Variants in PTPRD observed in about 807,000 individuals in gnomAD.
The protein encoded by PTPRD is receptor-type tyrosine-protein phosphatase delta.
PTPRD carries 34 observed loss-of-function variants against 214.5 expected under a neutral mutation model. The ratio of observed to expected loss-of-function variants is 0.16; its 90% confidence interval spans 0.12 to 0.21. The LOEUF (loss-of-function observed/expected upper bound fraction) is 0.21, where lower values mean the gene tolerates loss of function less well. PTPRD is among the 10% of genes least tolerant of loss of function. PTPRD has a pLI of 1.00. For missense variants in PTPRD, 2,545 were observed against 2,398.7 expected, an observed-to-expected ratio of 1.06 and a Z score of -1.27; for synonymous variants, 1,128 against 845.7, an observed-to-expected ratio of 1.33 and a Z score of -5.79.
In PTPRD at chr9:10,117,328, T is replaced by C. The variant is rs142943976; in HGVS notation, c.-544-83538A>G. On this transcript the variant is annotated intron_variant, in intron 3 of 45. Coordinates refer to ENST00000381196, the MANE Select transcript of PTPRD (RefSeq NM_002839.4). ...AGTTGATGTTATTCCTTTAGCATAC[T>C]TGTTAACTGAAAGTGTCTATGGACA... 1.6e-3 allele frequency among the ~76,000 whole-genome samples: 244 copies of C among 152,242 alleles called. 1 individual carries two copies. The highest frequency in any genetic ancestry group is 2.7e-3 in the Non-Finnish European group (184 of 68,004).
intron 9 of PTPRD, among the ~76,000 whole-genome samples, chr9:9,316,998 T>TTC (rs1963575905): frequency 6.6e-6 from 1 of 152,186 alleles, no homozygotes; most frequent in Non-Finnish European, 1.5e-5. Context: ...AACATGGCCC[T>TTC]TCTCTCCTTC....
chr9:8,713,733 T>C, intron 12 of PTPRD: 2 of 1,503,208 alleles, frequency 1.3e-6, no homozygotes, highest in Non-Finnish European at 1.8e-6. Flanking sequence ...GCCGGCAGGC[T>C]GTCAAGCAGT....
chr9:10,455,102 C>T (rs957115743), intron 2 of PTPRD, among the ~76,000 whole-genome samples: 1 of 151,666 alleles, frequency 6.6e-6, no homozygotes, highest in East Asian at 1.9e-4. Flanking sequence ...TCTGTCTCCC[C>T]ACATTTTAAG....
At chr9:10,178,509 A>C (rs1277207259) in intron 3 of PTPRD, among the ~76,000 whole-genome samples, 2 of 152,026 alleles carry the variant, frequency 1.3e-5, no homozygotes, top group Non-Finnish European at 2.9e-5. Context: ...ATAAAAGAGA[A>C]AACTGGATAT....
chr9:10,231,407 C>T (rs1000032775), intron 3 of PTPRD, among the ~76,000 whole-genome samples: 2 of 151,758 alleles, frequency 1.3e-5, no homozygotes, highest in African/African-American at 4.8e-5. Context: ...GTGCAATTAC[C>T]TAAAAACCAG....
At chr9:10,172,969 A>C (rs944547126) in intron 3 of PTPRD, among the ~76,000 whole-genome samples, 1 of 152,216 alleles carries the variant, frequency 6.6e-6, no homozygotes, top group African/African-American at 2.4e-5. Flanking sequence ...ACAAGGTTCT[A>C]TTGTCACATA....
At chr9:8,587,119 C>A (rs1238121187) in intron 14 of PTPRD, among the ~76,000 whole-genome samples, 2 of 152,150 alleles carry the variant, frequency 1.3e-5, no homozygotes, top group Non-Finnish European at 2.9e-5. Context: ...CACTGCACTC[C>A]AGCCTGGGCG....
At chr9:9,639,096 C>T (rs1264007167) in intron 7 of PTPRD, among the ~76,000 whole-genome samples, 3 of 152,138 alleles carry the variant, frequency 2.0e-5, no homozygotes, top group Non-Finnish European at 4.4e-5. Flanking sequence ...TAGCAAATCT[C>T]GAATCCTTTC....
chr9:10,390,615 G>GAAAT (rs1203645808), intron 2 of PTPRD, among the ~76,000 whole-genome samples: 1 of 151,728 alleles, frequency 6.6e-6, no homozygotes, highest in Non-Finnish European at 1.5e-5. Flanking sequence ...GAATGATAAT[G>GAAAT]AAATCATTTT....
intron 2 of PTPRD, among the ~76,000 whole-genome samples, chr9:10,587,385 T>C (rs545924116): frequency 7.2e-5 from 11 of 152,228 alleles, no homozygotes; most frequent in African/African-American, 1.9e-4. Context: ...TTGATTAGAG[T>C]TTAATGAGTA....
chr9:8,530,004 C>T (rs563106746), intron 14 of PTPRD, among the ~76,000 whole-genome samples: 1 of 152,030 alleles, frequency 6.6e-6, no homozygotes, highest in African/African-American at 2.4e-5. Flanking sequence ...TAAAATTACT[C>T]GAAAGCATAA....
intron 9 of PTPRD, among the ~76,000 whole-genome samples, chr9:9,362,276 A>C (rs2056441885): frequency 6.6e-6 from 1 of 151,248 alleles, no homozygotes; most frequent in African/African-American, 2.4e-5. Context: ...GAGAAATAGT[A>C]GCAGATTCTC....
intron 3 of PTPRD, among the ~76,000 whole-genome samples, chr9:10,284,399 G>A (rs78493911): frequency 0.021 from 3,150 of 152,228 alleles, 123 homozygotes; most frequent in African/African-American, 0.071. Context: ...AACAAAAACT[G>A]ATGTCTCAAG....
intron 3 of PTPRD, among the ~76,000 whole-genome samples, chr9:10,130,691 A>G (rs972494763): frequency 6.6e-6 from 1 of 152,186 alleles, no homozygotes; most frequent in African/African-American, 2.4e-5. Flanking sequence ...TTACTGAATG[A>G]CAGAAATAGT....
At chr9:9,760,517 C>A (rs915510267) in intron 6 of PTPRD, among the ~76,000 whole-genome samples, 2 of 150,956 alleles carry the variant, frequency 1.3e-5, no homozygotes, top group African/African-American at 4.9e-5. Context: ...CTCAGGACTT[C>A]GGACTTATAT....
At chr9:8,427,334 C>T (rs2094748106) in intron 35 of PTPRD, among the ~76,000 whole-genome samples, 1 of 152,164 alleles carries the variant, frequency 6.6e-6, no homozygotes, top group Admixed American at 6.5e-5. Flanking sequence ...GAAAAAGCAG[C>T]TCTTTACAGC....
At chr9:10,005,145 A>T (rs1053766566) in intron 4 of PTPRD, among the ~76,000 whole-genome samples, 34 of 152,216 alleles carry the variant, frequency 2.2e-4, no homozygotes, top group Admixed American at 1.2e-3. Flanking sequence ...AGGTCATTGT[A>T]TAACCTTTGG....
At chr9:10,019,253 C>T (rs938191235) in intron 4 of PTPRD, among the ~76,000 whole-genome samples, 1 of 151,992 alleles carries the variant, frequency 6.6e-6, no homozygotes, top group Admixed American at 6.6e-5. Flanking sequence ...GTTAGAATGG[C>T]GATCATTAAA....
chr9:10,225,365 T>C (rs2099585408), intron 3 of PTPRD, among the ~76,000 whole-genome samples: 1 of 152,088 alleles, frequency 6.6e-6, no homozygotes, highest in African/African-American at 2.4e-5. Context: ...GTTTAATGTA[T>C]GTAGCCTTCT....
Sources: allele counts gnomAD v4.1 joint callset (sites outside exome capture counted in the v4.1 genomes callset), GRCh38; gene constraint gnomAD v4.1.1; transcripts MANE v1.5; gene names NCBI Gene and HGNC (gene_info 2026-07-23, HGNC 2026-07-21).